The following BPIFB4 variants were observed in gnomAD, a reference collection of about 807,000 sequenced individuals.
BPIFB4 encodes the protein BPI fold-containing family B member 4.
A neutral mutation model predicts 69.2 loss-of-function variants in BPIFB4; 62 were observed. That is an observed-to-expected ratio of 0.90 (90% CI 0.73 to 1.11). BPIFB4 has a LOEUF of 1.11. Among genes scored for constraint, BPIFB4 ranks in the 50% least tolerant of loss-of-function variants. BPIFB4 has a pLI of 0.00. For missense variants in BPIFB4, 789 were observed against 792.0 expected (o/e 1.00, Z 0.04); for synonymous variants, 330 against 332.7 (o/e 0.99, Z 0.09).
chr20:33,090,901 A>T, intron 10 of BPIFB4, 102 bp downstream of exon 10: 2 of 1,381,856 alleles, frequency 1.4e-6, no homozygotes, highest in South Asian at 1.3e-5. Context: ...CTGGGAAGTA[A>T]CACTTGACAG....
chr20:33,080,193 G>GC (rs1229331114), intron 1 of BPIFB4, among the ~76,000 whole-genome samples: 2 of 151,542 alleles, frequency 1.3e-5, no homozygotes, highest in Non-Finnish European at 1.5e-5. Context: ...AAGAATTTGG[G>GC]GGCGCTGTGA....
chr20:33,085,928 AT>A (rs1981409526), intron 6 of BPIFB4, 92 bp from the exon 7 acceptor site: 1 of 1,447,738 alleles, frequency 6.9e-7, no homozygotes, highest in Non-Finnish European at 9.6e-7. Context: ...AGCGTAGCAG[AT>A]GGCAGGGACA....
chr20:33,100,566 A>G (rs1981882138), intron 14 of BPIFB4, 73 bp downstream of exon 14: 3 of 1,426,294 alleles, frequency 2.1e-6, no homozygotes, highest in Non-Finnish European at 2.0e-6. Context: ...GGGAGCGGGT[A>G]GAGGTCTCCT....
chr20:33,092,696 G>C (rs1385310102), intron 11 of BPIFB4, 38 bp downstream of exon 11: 1 of 1,553,284 alleles, frequency 6.4e-7, no homozygotes, highest in South Asian at 1.1e-5. Flanking sequence ...TGGCTGGGCA[G>C]CAGACAGCTG....
At chr20:33,081,036 G>T (rs1337224993) in intron 2 of BPIFB4, among the ~76,000 whole-genome samples, 4 of 152,180 alleles carry the variant, frequency 2.6e-5, no homozygotes, top group African/African-American at 9.7e-5. Context: ...TAGATGGAAA[G>T]ATAGTAGGTT....
intron 17 of BPIFB4, among the ~76,000 whole-genome samples, chr20:33,108,425 A>ATATATATATATATG: frequency 6.8e-6 from 1 of 147,322 alleles, no homozygotes; most frequent in Non-Finnish European, 1.5e-5. Flanking sequence ...ATATATGTCT[A>ATATATATATATATG]TATATATATA....
intron 11 of BPIFB4, among the ~76,000 whole-genome samples, chr20:33,093,444 C>T (rs1418678531): frequency 6.7e-6 from 1 of 148,450 alleles, no homozygotes; most frequent in Non-Finnish European, 1.5e-5. Context: ...TCCACCAATT[C>T]ATCCATCTAT....
chr20:33,101,331 C>T lies in BPIFB4; in HGVS notation c.1637+838C>T, dbSNP rs182570053. ...GCTGCATTGGATGGGTACAATCATG[C>T]GCTTTGGAGCCAAGCAATATGGGTT... On this transcript the variant is annotated intron_variant, in intron 14 of 17. Coordinates refer to ENST00000375483, the MANE Select transcript of BPIFB4 (RefSeq NM_182519.3). 5.3e-5 allele frequency among the ~76,000 whole-genome samples: 8 copies of T among 152,192 alleles called. No individual in the cohort carries two copies. In the East Asian group the frequency reaches 7.7e-4, roughly 15 times the overall value.
In BPIFB4 at chr20:33,107,804, A is replaced by T. The variant is rs768749323; in HGVS notation, c.1805A>T (p.Asp602Val). Reference sequence around the variant, plus strand: ...CTCAACATCGACTTTAGCAATGCAGACATTGACGTGTTGGAGGTAAGAGGA... The same window carrying T: ...CTCAACATCGACTTTAGCAATGCAGTCATTGACGTGTTGGAGGTAAGAGGA... ...KILNIDFSNA[D>V]IDVLEDLLVL... The change falls in exon 17 of 18, where the codon GAC (aspartate) becomes GTC (valine). Residue 602 changes from aspartate (D) to valine (V), a missense_variant. Asp to Val is a radical substitution (Grantham distance 152). Transcript: ENST00000375483. The T allele has an allele frequency of 6.2e-7, 1 of 1,614,018 alleles. No homozygotes were observed. The highest frequency in any genetic ancestry group is 8.5e-7 in the Non-Finnish European group (1 of 1,179,892).
At chr20:33,109,477 C>T (rs941454090) in intron 17 of BPIFB4, among the ~76,000 whole-genome samples, 11 of 151,990 alleles carry the variant, frequency 7.2e-5, no homozygotes, top group Non-Finnish European at 1.2e-4. Flanking sequence ...GCCACTTGCT[C>T]GAGGTCACCC....
intron 11 of BPIFB4, 27 bp from the exon 12 acceptor site, chr20:33,095,073 C>T (rs1466933526): frequency 1.3e-6 from 2 of 1,591,040 alleles, no homozygotes; most frequent in East Asian, 4.5e-5. Flanking sequence ...CTCCAGGATT[C>T]ACGTGGCCCT....
chr20:33,100,402 C>CT, intron 13 of BPIFB4, 24 bp from the exon 14 acceptor site: 1 of 1,567,210 alleles, frequency 6.4e-7, no homozygotes. Flanking sequence ...GCAGTGACGT[C>CT]TTTCTCCTTT....
rs370732161 is a variant in BPIFB4 at position 33,083,414 on chromosome 20, C to G, written c.217C>G (p.Pro73Ala). ...YNDFHVRGPP[P>A]VYTNGKKLDG... is the part of the protein sequence containing the mutation. ...TGACTTCCATGTCCGAGGACCCCCC[C>G]CAGTATATACCAACGGCAAAAAACT... Residue 73 changes from proline to alanine, a missense_variant, in exon 5 of 18, where the codon CCA becomes GCA. Transcript: ENST00000375483. 7 of 1,613,426 alleles carry G rather than the reference C, an allele frequency of 4.3e-6. No individual in the cohort carries two copies. Among genetic ancestry groups the G allele is most frequent in the Admixed American group, 1.7e-5 (1 of 59,978 alleles).
In BPIFB4 at chr20:33,089,547, G is replaced by T. The variant is rs1469129821; in HGVS notation, c.1040G>T (p.Gly347Val). ...CTGGGTCTTGTCAATGACCAGCTGG[G>T]CCTCGTGGATTGTAAGTCCAATACA... ...VVLGLVNDQL[G>V]LVDSLIPLGI... The change falls in exon 9 of 18, where the codon GGC becomes GTC. Residue 347 changes from glycine (G) to valine (V), a missense_variant. Physicochemically the swap from Gly to Val is moderately radical, Grantham distance 109 (BLOSUM62 -3). Coordinates refer to ENST00000375483, the MANE Select transcript of BPIFB4 (RefSeq NM_182519.3). 1.9e-6 allele frequency: 3 copies of T among 1,614,242 alleles called. No homozygotes were observed. The highest frequency in any genetic ancestry group is 1.7e-6 in the Non-Finnish European group (2 of 1,180,046).
chr20:33,082,306 C>T (rs976154341), intron 3 of BPIFB4, among the ~76,000 whole-genome samples: 2 of 151,230 alleles, frequency 1.3e-5, no homozygotes, highest in East Asian at 1.9e-4. Context: ...GAATCAGTTG[C>T]GATAATACAT....
intron 7 of BPIFB4, among the ~76,000 whole-genome samples, chr20:33,086,808 G>A (rs1045111985): frequency 1.3e-5 from 2 of 152,160 alleles, no homozygotes; most frequent in Non-Finnish European, 2.9e-5. Flanking sequence ...CTGGCGAAGT[G>A]GTGTCAAGTG....
rs532892086 is a variant in BPIFB4 at position 33,083,923 on chromosome 20, T to G, written c.677+49T>G. ...CAGAAAGCCCCCATACACCTCCAAA[T>G]GGGGGTGATCACTCCCTGAAGCTGG... On this transcript the variant is annotated intron_variant, in intron 5 of 17. Coordinates refer to ENST00000375483, the MANE Select transcript of BPIFB4 (RefSeq NM_182519.3). 7 of 1,537,366 alleles carry G rather than the reference T, an allele frequency of 4.6e-6. No individual in the cohort carries two copies. In the African/African-American group the frequency reaches 9.7e-5, roughly 21 times the overall value.
chr20:33,090,872 C>T (rs1224831375), intron 10 of BPIFB4, 73 bp downstream of exon 10: 6 of 1,567,296 alleles, frequency 3.8e-6, no homozygotes, highest in South Asian at 1.1e-5. Flanking sequence ...GAGGCCCTCC[C>T]AGGGCTTCTG....
intron 16 of BPIFB4, among the ~76,000 whole-genome samples, chr20:33,106,651 C>T (rs979041969): frequency 2.0e-5 from 3 of 152,050 alleles, no homozygotes; most frequent in Non-Finnish European, 2.9e-5. Context: ...ATAGTTCTTG[C>T]CTTCAGGGAA....
Sources: gnomAD v4.1 joint callset for allele counts (sites outside exome capture counted in the v4.1 genomes callset) on GRCh38, gnomAD v4.1.1 for gene constraint, MANE v1.5 for transcripts, NCBI Gene and HGNC (gene_info 2026-07-23, HGNC 2026-07-21) for gene names.